CCSER1: variants seen among roughly 807,000 people sequenced by gnomAD.
CCSER1 encodes the protein coiled-coil serine rich protein 1.
In CCSER1, 41 loss-of-function variants were observed where a neutral mutation model predicts 82.0. The observed-to-expected ratio is 0.50, with a 90% CI of 0.39 to 0.65. The LOEUF is 0.65. CCSER1 is among the 30% of genes least tolerant of loss of function. The pLI is 0.00. For missense variants in CCSER1, 1,119 were observed against 1,064.2 expected, an observed-to-expected ratio of 1.05 and a Z score of -0.72; for synonymous variants, 414 against 383.9, an observed-to-expected ratio of 1.08 and a Z score of -0.92.
At chr4:91,139,924 A>G (rs1254343024) in intron 10 of CCSER1, among the ~76,000 whole-genome samples, 1 of 152,130 alleles carries the variant, frequency 6.6e-6, no homozygotes, top group Non-Finnish European at 1.5e-5. Context: ...CAAAGAAAGT[A>G]CTTGTTCATG....
intron 9 of CCSER1, among the ~76,000 whole-genome samples, chr4:90,973,769 C>T (rs1735343487): frequency 6.6e-6 from 1 of 151,352 alleles, no homozygotes; most frequent in South Asian, 2.1e-4. Context: ...AAATATCTGC[C>T]CGTGGATGAA....
chr4:91,531,392 G>T (rs1207920243), intron 10 of CCSER1, among the ~76,000 whole-genome samples: 1 of 152,172 alleles, frequency 6.6e-6, no homozygotes, highest in Non-Finnish European at 1.5e-5. Context: ...GGCCTATCTT[G>T]TAGTATCAGT....
rs752041783 is a variant in CCSER1 at position 90,838,919 on chromosome 4, T to A, written c.2094+23074T>A. 2.5e-6 allele frequency: 4 copies of A among 1,613,472 alleles called. No homozygotes were observed. The South Asian group carries it at 4.4e-5, about 18-fold the overall frequency. On this transcript the variant is annotated intron_variant, in intron 8 of 10. Coordinates refer to ENST00000509176, the MANE Select transcript of CCSER1 (RefSeq NM_001145065.2). ...CACGCCTCATTACGATTCGCCTGCT[T>A]GCTTCTCCTGTTCAATCGTTTCTTT...
chr4:90,876,799 G>A (rs189168756), intron 8 of CCSER1, among the ~76,000 whole-genome samples: 1 of 152,096 alleles, frequency 6.6e-6, no homozygotes, highest in Non-Finnish European at 1.5e-5. Context: ...TCCTATTAAC[G>A]TAATGCTAAT....
intron 1 of CCSER1, among the ~76,000 whole-genome samples, chr4:90,242,301 C>A (rs145746624): frequency 6.6e-5 from 10 of 151,930 alleles, no homozygotes; most frequent in Non-Finnish European, 1.5e-5. Context: ...AGCAAGACTC[C>A]GTCTCAAAAA....
chr4:90,815,358 C>G (rs1346874385), intron 7 of CCSER1, among the ~76,000 whole-genome samples: 1 of 152,136 alleles, frequency 6.6e-6, no homozygotes, highest in African/African-American at 2.4e-5. Flanking sequence ...CAAGCCATAT[C>G]AGTATCTTTT....
chr4:90,888,238 G>T lies in CCSER1; in HGVS notation c.2095-35132G>T, dbSNP rs567579940. The stretch of plus-strand genomic sequence containing the variant: ...TTCAAAAAAATCAGCTCTAATGCCA[G>T]TGAGAAACAGCACATGGGGATATAT... On this transcript the variant is annotated intron_variant, in intron 8 of 10. Transcript: ENST00000509176. Among the ~76,000 whole-genome samples the T allele has an allele frequency of 1.2e-4, 19 of 152,206 alleles. 1 individual carries two copies. In the South Asian group the frequency reaches 3.7e-3, roughly 30 times the overall value.
Position 91,012,575 on chromosome 4 carries a change from G to A in CCSER1, c.2173-73375G>A, listed in dbSNP as rs573803531. The stretch of plus-strand genomic sequence containing the variant: ...ACCCCATGGATAGGGTGTAGTAGGA[G>A]CTGGAGGTTTGGCTGGGGGATGTCA... On this transcript the variant is annotated intron_variant, in intron 9 of 10. Transcript: ENST00000509176. 1.5e-4 allele frequency among the ~76,000 whole-genome samples: 23 copies of A among 152,126 alleles called. No individual in the cohort carries two copies. The East Asian group carries it at 4.1e-3, about 27-fold the overall frequency.
At chr4:90,742,689 G>A (rs1276605525) in intron 7 of CCSER1, among the ~76,000 whole-genome samples, 1 of 152,124 alleles carries the variant, frequency 6.6e-6, no homozygotes, top group Non-Finnish European at 1.5e-5. Context: ...CAAATAAAAT[G>A]TAATAAGGAA....
At chr4:91,037,152 G>A (rs535689003) in intron 9 of CCSER1, among the ~76,000 whole-genome samples, 2 of 152,098 alleles carry the variant, frequency 1.3e-5, no homozygotes, top group South Asian at 4.1e-4. Flanking sequence ...CAGACAAGTG[G>A]TGGTGTCTCT....
chr4:90,306,699 A>T (rs1030687242), intron 1 of CCSER1, among the ~76,000 whole-genome samples: 1 of 152,204 alleles, frequency 6.6e-6, no homozygotes, highest in Non-Finnish European at 1.5e-5. Context: ...GGATGATAAA[A>T]TAGAGGATTT....
chr4:90,233,870 C>T (rs987080700), intron 1 of CCSER1, among the ~76,000 whole-genome samples: 5 of 152,000 alleles, frequency 3.3e-5, no homozygotes, highest in Non-Finnish European at 7.4e-5. Context: ...CACATAACAA[C>T]ATAAATAATA....
At chr4:91,313,207 A>C (rs1455267834) in intron 10 of CCSER1, among the ~76,000 whole-genome samples, 1 of 151,868 alleles carries the variant, frequency 6.6e-6, no homozygotes, top group African/African-American at 2.4e-5. Context: ...CTAACTTATA[A>C]ATTCAATTAA....
At chr4:90,328,822 G>A (rs2153493811) in intron 3 of CCSER1, among the ~76,000 whole-genome samples, 1 of 152,236 alleles carries the variant, frequency 6.6e-6, no homozygotes, top group East Asian at 1.9e-4. Context: ...AGCTTGTGGT[G>A]TGCAGAGGGC....
At chr4:91,268,278 G>C (rs887897058) in intron 10 of CCSER1, among the ~76,000 whole-genome samples, 10 of 152,264 alleles carry the variant, frequency 6.6e-5, no homozygotes, top group African/African-American at 2.2e-4. Context: ...TTCCTTAATA[G>C]ACATAGAAAT....
chr4:90,659,464 C>T (rs1260501743), intron 6 of CCSER1, among the ~76,000 whole-genome samples: 1 of 151,972 alleles, frequency 6.6e-6, no homozygotes, highest in Non-Finnish European at 1.5e-5. Flanking sequence ...GATTAGTCAT[C>T]CCCCCAAAAT....
intron 5 of CCSER1, among the ~76,000 whole-genome samples, chr4:90,477,500 G>A (rs954421558): frequency 1.3e-5 from 2 of 152,170 alleles, no homozygotes; most frequent in Non-Finnish European, 2.9e-5. Context: ...CTTGAATGAG[G>A]AAGTTGGGCA....
At position 91,014,549 on chromosome 4, in the gene CCSER1, G is replaced by C. The variant is rs1739261680; in HGVS notation, c.2173-71401G>C. 1.5e-5 allele frequency among the ~76,000 whole-genome samples: 2 copies of C among 134,140 alleles called. 1 individual carries two copies. Among genetic ancestry groups the C allele is most frequent in the Admixed American group, 1.5e-4 (2 of 13,464 alleles). The allele number at this position is 134,140 out of a possible 152,430, so 88.0% of individuals were successfully genotyped here. A position where few individuals can be genotyped will look rare whatever the true frequency, so the allele number is the denominator to read the frequency against. ...TTTTATTACCTAATGAATTCTTCTA[G>C]GAACTAACCAGCTAATCCTTTTATA... On this transcript the variant is annotated intron_variant, in intron 9 of 10. Transcript: ENST00000509176.
At chr4:90,533,666 G>T (rs1774921378) in intron 5 of CCSER1, among the ~76,000 whole-genome samples, 1 of 152,200 alleles carries the variant, frequency 6.6e-6, no homozygotes, top group East Asian at 1.9e-4. Flanking sequence ...TATTTGGGAA[G>T]ACTCAAAACT....
Sources: gnomAD v4.1 joint callset for allele counts (sites outside exome capture counted in the v4.1 genomes callset) on GRCh38, gnomAD v4.1.1 for gene constraint, MANE v1.5 for transcripts, NCBI Gene and HGNC (gene_info 2026-07-23, HGNC 2026-07-21) for gene names.